Variants in PCDH15 observed in about 807,000 individuals in gnomAD.
PCDH15 encodes the protein protocadherin-15.
In PCDH15, 129 loss-of-function variants were observed where a neutral mutation model predicts 178.5. That is an observed-to-expected ratio of 0.72 (90% confidence interval 0.63 to 0.84). The LOEUF (loss-of-function observed/expected upper bound fraction) is 0.84, where lower values mean the gene tolerates loss of function less well. Among genes scored for constraint, PCDH15 ranks in the 40% least tolerant of loss-of-function variants. PCDH15 has a pLI of 0.00. For missense variants in PCDH15, 2,230 were observed against 2,099.9 expected (o/e 1.06, Z -1.21); for synonymous variants, 800 against 732.0 (o/e 1.09, Z -1.50).
chr10:53,976,099 G>T (rs1208250072), intron 21 of PCDH15, among the ~76,000 whole-genome samples: 2 of 152,180 alleles, frequency 1.3e-5, no homozygotes, highest in Non-Finnish European at 1.5e-5. Flanking sequence ...TTATTTCTGA[G>T]AACTCTATTC....
intron 3 of PCDH15, among the ~76,000 whole-genome samples, chr10:54,468,798 A>C (rs2077698132): frequency 6.6e-6 from 1 of 152,138 alleles, no homozygotes; most frequent in Admixed American, 6.5e-5. Context: ...TTATTGATCT[A>C]ATAATATTTG....
intron 27 of PCDH15, among the ~76,000 whole-genome samples, chr10:53,859,943 C>A (rs1013175563): frequency 1.3e-5 from 2 of 152,054 alleles, no homozygotes; most frequent in African/African-American, 4.8e-5. Context: ...CTCCTGCTCC[C>A]GGGATGGGGA....
chr10:54,508,305 G>A (rs2081339652), intron 3 of PCDH15, among the ~76,000 whole-genome samples: 1 of 152,106 alleles, frequency 6.6e-6, no homozygotes, highest in African/African-American at 2.4e-5. Context: ...ATTGCAGCAT[G>A]GTTAAGGGCA....
rs765879078 is a variant in PCDH15, at chr10:53,825,174, G to GTGAT, written c.4367+2215_4367+2218dup. The GTGAT allele has an allele frequency of 7.9e-6, 12 of 1,521,608 alleles. No individual in the cohort carries two copies. In the Admixed American group the frequency reaches 1.3e-4, roughly 17 times the overall value. 94.3% of individuals were successfully genotyped at this position (1,521,608 alleles called of 1,614,324 possible). ...TCCACAGGTGAGAAACAGAAAACAT[G>GTGAT]TGATAGAAAAAAAGAAGTTTTTACT... On this transcript the variant is annotated intron_variant, in intron 32 of 37. Coordinates refer to ENST00000644397, the MANE Select transcript of PCDH15 (RefSeq NM_001384140.1).
chr10:54,312,864 A>G (rs1313682596), intron 8 of PCDH15, among the ~76,000 whole-genome samples: 1 of 152,146 alleles, frequency 6.6e-6, no homozygotes, highest in Non-Finnish European at 1.5e-5. Flanking sequence ...GGCCTGTTAT[A>G]CGGTGACTGA....
chr10:54,251,818 T>G (rs777844266), intron 8 of PCDH15, among the ~76,000 whole-genome samples: 4 of 152,034 alleles, frequency 2.6e-5, no homozygotes, highest in Non-Finnish European at 5.9e-5. Context: ...TTCAGTTTAA[T>G]TATTTCATTT....
At position 54,369,165 on chromosome 10, in the gene PCDH15, G is replaced by A. The variant is rs772672479; in HGVS notation, c.429C>T (p.Asn143=). The A allele has an allele frequency of 3.7e-6, 6 of 1,612,856 alleles. No individual in the cohort carries two copies. In the East Asian group the frequency reaches 1.1e-4, roughly 30 times the overall value. Residue 143 remains asparagine, a synonymous_variant, in exon 5 of 38, where the codon AAC becomes AAT. Transcript: ENST00000644397. The part of the protein sequence containing the change: ...VRIVVRDRND[N]SPTFKHESYY... Reference sequence around the variant, plus strand: ...AGCTTTCATGCTTGAAAGTGGGTGAGTTGTCATTCCTGTCTCTCACCACTA... The same window carrying A: ...AGCTTTCATGCTTGAAAGTGGGTGAATTGTCATTCCTGTCTCTCACCACTA...
intron 15 of PCDH15, among the ~76,000 whole-genome samples, chr10:54,117,323 G>A (rs1451767493): frequency 6.6e-6 from 1 of 152,118 alleles, no homozygotes; most frequent in Non-Finnish European, 1.5e-5. Flanking sequence ...GCAGGCACCT[G>A]CATCTGGATG....
chr10:55,070,123 T>C (rs1330798092), intron 2 of PCDH15, among the ~76,000 whole-genome samples: 1 of 150,354 alleles, frequency 6.7e-6, no homozygotes, highest in Non-Finnish European at 1.5e-5. Flanking sequence ...TTTGATGGGG[T>C]TGTTTGTTTT....
intron 20 of PCDH15, among the ~76,000 whole-genome samples, chr10:54,011,852 C>A (rs1277158145): frequency 6.6e-6 from 1 of 152,146 alleles, no homozygotes; most frequent in Non-Finnish European, 1.5e-5. Context: ...AGAACCAGTG[C>A]AAGAACTTTG....
intron 2 of PCDH15, among the ~76,000 whole-genome samples, chr10:55,143,998 C>T (rs1838425277): frequency 9.2e-6 from 1 of 109,180 alleles, no homozygotes; most frequent in South Asian, 4.0e-4. Flanking sequence ...TTTCAGAGTC[C>T]TATCTTGGGT....
At chr10:54,346,326 C>A in intron 6 of PCDH15, 39 bp downstream of exon 6, 1 of 1,594,132 alleles carries the variant, frequency 6.3e-7, no homozygotes, top group South Asian at 1.1e-5. Context: ...AATTTTATTC[C>A]TTTTAAGAAA....
rs538348530 is a variant in PCDH15 at position 53,967,697 on chromosome 10, AT to A, written c.2869-5806del. Among the ~76,000 whole-genome samples the A allele has an allele frequency of 2.8e-3, 428 of 152,312 alleles. 3 individuals are homozygous for A. The highest frequency in any genetic ancestry group is 9.2e-3 in the African/African-American group (384 of 41,570). ...TCAATTAAATACTTCAAATAATCAT[AT>A]TTTTTAAAGTAAACTATAGAAAACA... On this transcript the variant is annotated intron_variant, in intron 21 of 37. Transcript: ENST00000644397.
intron 2 of PCDH15, among the ~76,000 whole-genome samples, chr10:55,076,351 T>A (rs189624918): frequency 1.3e-5 from 2 of 152,226 alleles, no homozygotes; most frequent in African/African-American, 4.8e-5. Context: ...TTAGTTCTAG[T>A]AATATATAGT....
intron 2 of PCDH15, among the ~76,000 whole-genome samples, chr10:55,327,821 G>A (rs955328745): frequency 4.0e-5 from 6 of 151,896 alleles, no homozygotes; most frequent in African/African-American, 1.2e-4. Flanking sequence ...GTAAAAATGT[G>A]TTTGTTTTTT....
chr10:54,389,866 C>A (rs1404668812), intron 3 of PCDH15, among the ~76,000 whole-genome samples: 1 of 151,868 alleles, frequency 6.6e-6, no homozygotes, highest in Non-Finnish European at 1.5e-5. Flanking sequence ...GGAAGAAAAT[C>A]TCTGGAGCCC....
chr10:54,499,369 A>C (rs374803588), intron 3 of PCDH15, among the ~76,000 whole-genome samples: 23 of 152,144 alleles, frequency 1.5e-4, no homozygotes, highest in East Asian at 1.2e-3. Flanking sequence ...TGGAAAATGC[A>C]TCCTTCTCAT....
At chr10:54,539,587 C>T (rs1219790) in intron 2 of PCDH15, among the ~76,000 whole-genome samples, 13,444 of 152,120 alleles carry the variant, frequency 0.088, 1,970 homozygotes, top group African/African-American at 0.3. Context: ...AGAAAACTTC[C>T]GCAGAAATTC....
At chr10:54,909,155 G>A (rs918115465) in intron 2 of PCDH15, among the ~76,000 whole-genome samples, 4 of 152,102 alleles carry the variant, frequency 2.6e-5, no homozygotes, top group African/African-American at 9.7e-5. Flanking sequence ...TGCTGTCATG[G>A]GTGGGCCCAG....
Sources: allele counts gnomAD v4.1 joint callset (sites outside exome capture counted in the v4.1 genomes callset), GRCh38; gene constraint gnomAD v4.1.1; transcripts MANE v1.5; gene names NCBI Gene and HGNC (gene_info 2026-07-23, HGNC 2026-07-21).